CACNA1A: variants seen among roughly 807,000 people sequenced by gnomAD.
The protein encoded by CACNA1A is voltage-dependent P/Q-type calcium channel subunit alpha-1A.
In CACNA1A, 57 loss-of-function variants were observed where a neutral mutation model predicts 262.4. The observed-to-expected ratio is 0.22, with a 90% CI of 0.18 to 0.27. CACNA1A has a LOEUF of 0.27. Among genes scored for constraint, CACNA1A ranks in the 10% least tolerant of loss-of-function variants. The probability of loss-of-function intolerance (pLI) is 1.00; values close to 1 mark genes in which losing one functional copy is unlikely to be tolerated. For missense variants in CACNA1A, 2,526 were observed against 3,562.8 expected (o/e 0.71, Z 7.41); for synonymous variants, 1,431 against 1,419.3 (o/e 1.01, Z -0.18).
chr19:13,310,965 A>AT (rs2058023487), intron 12 of CACNA1A, among the ~76,000 whole-genome samples: 1 of 151,514 alleles, frequency 6.6e-6, no homozygotes, highest in East Asian at 1.9e-4. Context: ...TAATTTTTGT[A>AT]TTTTTTTAGT....
In CACNA1A at chr19:13,293,488, CCGGCTGGAGTGCAGTGGTG is replaced by C. The variant is rs1434456745; in HGVS notation, c.3089+5037_3089+5055del. Among the ~76,000 whole-genome samples, 3 of 140,262 alleles carry C rather than the reference CCGGCTGGAGTGCAGTGGTG, an allele frequency of 2.1e-5. No individual in the cohort carries two copies. The East Asian group carries it at 7.0e-4, about 33-fold the overall frequency. 92.0% of individuals were successfully genotyped at this position (140,262 alleles called of 152,430 possible). A position where few individuals can be genotyped will look rare whatever the true frequency, so the allele number is the denominator to read the frequency against. ...TGAGATGGAGTCTCGCTCTGTCTCCCCGGCTGGAGTGCAGTGGTGCGATCTCGGCTCACTGCAAGCTCCG... is the reference window on the plus strand; with the variant it reads ...TGAGATGGAGTCTCGCTCTGTCTCCCCGATCTCGGCTCACTGCAAGCTCCG... On this transcript the variant is annotated intron_variant, in intron 19 of 46. Coordinates refer to ENST00000360228, the MANE Select transcript of CACNA1A (RefSeq NM_001127222.2).
intron 6 of CACNA1A, among the ~76,000 whole-genome samples, chr19:13,341,009 C>T (rs1397995430): frequency 6.6e-6 from 1 of 152,200 alleles, no homozygotes; most frequent in East Asian, 1.9e-4. Context: ...GAGTTTGAGG[C>T]TGTAGTGAGC....
chr19:13,208,797 G>C lies in CACNA1A; in HGVS notation c.6739C>G (p.Arg2247Gly). ...RARARDQRWSRSPSEGREHMA... is the reference protein window; with the variant it reads ...RARARDQRWSGSPSEGREHMA... Reference sequence around the variant, plus strand: ...TGCTCTCGGCCCTCGCTGGGCGAGCGGGACCAGCGCTGGTCCCGAGCCCGT... The same window carrying C: ...TGCTCTCGGCCCTCGCTGGGCGAGCCGGACCAGCGCTGGTCCCGAGCCCGT... Residue 2247 changes from arginine (R) to glycine (G), a missense_variant, in exon 46 of 47, where the codon CGC becomes GGC. Arg to Gly is a moderately radical substitution (Grantham distance 125). This residue lies in a region of CACNA1A where 929 missense variants were observed against 868.1 expected (regional missense o/e 1.07). Coordinates refer to ENST00000360228, the MANE Select transcript of CACNA1A (RefSeq NM_001127222.2). 4 of 1,554,702 alleles carry C rather than the reference G, an allele frequency of 2.6e-6. No homozygotes were observed. Among genetic ancestry groups the C allele is most frequent in the Non-Finnish European group, 2.6e-6 (3 of 1,158,606 alleles).
intron 10 of CACNA1A, among the ~76,000 whole-genome samples, chr19:13,318,446 T>C (rs2058174603): frequency 6.6e-6 from 1 of 152,054 alleles, no homozygotes; most frequent in Non-Finnish European, 1.5e-5. Context: ...ACTTTGGCTT[T>C]TACCCTGAGT....
chr19:13,377,346 T>A (rs1003281995), intron 3 of CACNA1A, among the ~76,000 whole-genome samples: 1 of 151,906 alleles, frequency 6.6e-6, no homozygotes, highest in South Asian at 2.1e-4. Context: ...AGAAGATGAA[T>A]GTTGTTTTTA....
chr19:13,210,535 G>T, intron 44 of CACNA1A, 82 bp downstream of exon 44: 1 of 1,276,784 alleles, frequency 7.8e-7, no homozygotes, highest in Non-Finnish European at 1.1e-6. Context: ...GACGGTGAGA[G>T]ATGACGGGAC....
intron 6 of CACNA1A, among the ~76,000 whole-genome samples, chr19:13,336,579 GAC>G (rs1224538195): frequency 7.5e-5 from 11 of 146,240 alleles, no homozygotes; most frequent in African/African-American, 2.8e-4. Context: ...GAGAAAGAGA[GAC>G]AGAGAGAGAG....
intron 3 of CACNA1A, among the ~76,000 whole-genome samples, chr19:13,373,293 G>C (rs914518923): frequency 4.6e-5 from 7 of 152,216 alleles, no homozygotes; most frequent in Non-Finnish European, 1.0e-4. Context: ...GAGTAGCTGG[G>C]ATTACAGGTG....
intron 6 of CACNA1A, among the ~76,000 whole-genome samples, chr19:13,359,047 A>G (rs908221022): frequency 3.9e-5 from 6 of 152,200 alleles, no homozygotes; most frequent in Admixed American, 3.3e-4. Context: ...CAGTTGGGTT[A>G]CGAACAGATC....
chr19:13,293,066 G>A (rs955957318), intron 19 of CACNA1A, among the ~76,000 whole-genome samples: 2 of 152,182 alleles, frequency 1.3e-5, no homozygotes, highest in African/African-American at 4.8e-5. Flanking sequence ...AAGAGAGGGA[G>A]CAGGAACCAT....
At chr19:13,228,816 G>A in intron 36 of CACNA1A, 1 of 1,440,836 alleles carries the variant, frequency 6.9e-7, no homozygotes, top group Non-Finnish European at 9.6e-7. Context: ...AAGAAAGGGG[G>A]TTAGTGCAGG....
chr19:13,221,794 G>A (rs1285698829), intron 38 of CACNA1A, among the ~76,000 whole-genome samples: 1 of 152,138 alleles, frequency 6.6e-6, no homozygotes, highest in African/African-American at 2.4e-5. Flanking sequence ...GCCTCCAGGA[G>A]CCCACACTGC....
At chr19:13,482,774 G>A (rs62111565) in intron 1 of CACNA1A, among the ~76,000 whole-genome samples, 23,911 of 151,718 alleles carry the variant, frequency 0.16, 3,118 homozygotes, top group East Asian at 0.58. Flanking sequence ...GACAATGGGG[G>A]ACATTTATTC....
chr19:13,275,405 A>G, intron 24 of CACNA1A: 1 of 181,830 alleles, frequency 5.5e-6, no homozygotes. Context: ...AAAGGGAGTC[A>G]CCAGGTCTAC....
At position 13,497,558 on chromosome 19, in the gene CACNA1A, ATATATATATATATAT is replaced by A. The variant is rs1981818900; in HGVS notation, c.293+8359_293+8373del. 3.8e-5 allele frequency among the ~76,000 whole-genome samples: 2 copies of A among 52,976 alleles called. 1 individual carries two copies. The highest frequency in any genetic ancestry group is 1.3e-3 in the East Asian group (2 of 1,586). 34.8% of individuals were successfully genotyped at this position (52,976 alleles called of 152,430 possible). Reference sequence around the variant, plus strand: ...TATATATATATATATATATATATATATATATATATATATATATATATAAATTTATGTTGTTAAAGC... The same window carrying A: ...TATATATATATATATATATATATATAATATATAAATTTATGTTGTTAAAGC... On this transcript the variant is annotated intron_variant, in intron 1 of 46. Coordinates refer to ENST00000360228, the MANE Select transcript of CACNA1A (RefSeq NM_001127222.2).
chr19:13,377,035 C>CT (rs1244301503), intron 3 of CACNA1A, among the ~76,000 whole-genome samples: 10 of 151,914 alleles, frequency 6.6e-5, no homozygotes, highest in Non-Finnish European at 8.8e-5. Context: ...CCTCAGCTCA[C>CT]TGCAACCTCT....
At chr19:13,393,201 CT>C (rs2059740698) in intron 3 of CACNA1A, among the ~76,000 whole-genome samples, 2 of 152,192 alleles carry the variant, frequency 1.3e-5, no homozygotes, top group African/African-American at 4.8e-5. Flanking sequence ...TTCAAAGTAG[CT>C]TTCTCTGGAA....
At chr19:13,225,018 C>G in intron 37 of CACNA1A, 2 of 439,068 alleles carry the variant, frequency 4.6e-6, no homozygotes, top group Non-Finnish European at 8.3e-6. Flanking sequence ...CCTGCTTGAC[C>G]TGAGAGCTGG....
chr19:13,376,550 T>C (rs1016624788), intron 3 of CACNA1A, among the ~76,000 whole-genome samples: 1 of 149,330 alleles, frequency 6.7e-6, no homozygotes, highest in Non-Finnish European at 1.5e-5. Flanking sequence ...AATATATATA[T>C]AATATATAAC....
Sources: allele counts gnomAD v4.1 joint callset (sites outside exome capture counted in the v4.1 genomes callset), GRCh38; gene constraint gnomAD v4.1.1; regional missense constraint gnomAD v4.1.1; transcripts MANE v1.5; gene names NCBI Gene and HGNC (gene_info 2026-07-23, HGNC 2026-07-21).